LIPI: variants seen among roughly 807,000 people sequenced by gnomAD.
LIPI encodes the protein lipase I.
Under a neutral mutation model 50.6 loss-of-function variants are expected in LIPI, and 59 were observed. The observed-to-expected ratio is 1.16, with a 90% CI of 0.94 to 1.45. LIPI has a LOEUF of 1.45. LIPI is among the 40% of genes most tolerant of loss of function. The pLI is 0.00. For missense variants in LIPI, 586 were observed against 536.3 expected (o/e 1.09, Z -0.92); for synonymous variants, 203 against 178.2 (o/e 1.14, Z -1.11).
chr21:14,176,754 C>T (rs994575528), intron 4 of LIPI, among the ~76,000 whole-genome samples: 2 of 146,462 alleles, frequency 1.4e-5, no homozygotes, highest in African/African-American at 5.0e-5. Flanking sequence ...GCTAATAATG[C>T]CCTCATAGCT....
intron 1 of LIPI, among the ~76,000 whole-genome samples, chr21:14,204,555 T>C (rs1363768488): frequency 1.3e-5 from 2 of 151,940 alleles, no homozygotes; most frequent in African/African-American, 4.8e-5. Context: ...AATGACATTT[T>C]GAAGATAATA....
chr21:14,209,693 A>C (rs1489569983), intron 1 of LIPI, among the ~76,000 whole-genome samples: 3 of 152,134 alleles, frequency 2.0e-5, no homozygotes, highest in Non-Finnish European at 2.9e-5. Flanking sequence ...CAACTGACTA[A>C]ATAAATACTA....
chr21:14,196,170 A>AG (rs376627630), intron 1 of LIPI, among the ~76,000 whole-genome samples: 1 of 78,322 alleles, frequency 1.3e-5, no homozygotes, highest in Non-Finnish European at 3.1e-5. Context: ...AAAAAAAACA[A>AG]AACAAGAAGT....
In LIPI at chr21:14,197,523, G is replaced by A. The variant is rs143741104; in HGVS notation, c.47-8104C>T. Among the ~76,000 whole-genome samples, 4 of 152,010 alleles carry A rather than the reference G, an allele frequency of 2.6e-5. No homozygotes were observed. In the East Asian group the frequency reaches 7.8e-4, roughly 29 times the overall value. ...AGACCAAGCAGAGGAAAGAATCTCC[G>A]GGTTAGATTCTTTCTGAAATAAGAC... is the stretch of plus-strand genomic sequence containing the variant. On this transcript the variant is annotated intron_variant, in intron 1 of 9. Transcript: ENST00000681601.
chr21:14,138,713 T>C, intron 9 of LIPI, among the ~76,000 whole-genome samples: 1 of 152,194 alleles, frequency 6.6e-6, no homozygotes, highest in East Asian at 1.9e-4. Flanking sequence ...CCATAATCAA[T>C]GTATAAATTA....
rs1469835995 is a variant in LIPI, at chr21:14,189,029, C to T, written c.432+5G>A. ...ATGTATAATACATAAAATTCCCAGA[C>T]TTACCAAAAGATTTTTAATGTGCAC... On this transcript the variant is annotated splice_donor_5th_base_variant and intron_variant, in intron 2 of 9. Transcript: ENST00000681601. 3 of 1,601,512 alleles carry T rather than the reference C, an allele frequency of 1.9e-6. No homozygotes were observed. The highest frequency in any genetic ancestry group is 2.5e-6 in the Non-Finnish European group (3 of 1,178,944).
intron 7 of LIPI, among the ~76,000 whole-genome samples, chr21:14,161,648 T>TATTATATATTAATATATAATATATAC (rs1319941171): frequency 9.6e-6 from 1 of 103,826 alleles, no homozygotes; most frequent in African/African-American, 3.9e-5. Flanking sequence ...ATATATACAT[T>TATTATATATTAATATATAATATATAC]ATTATATATT....
chr21:14,125,254 C>A (rs1288042715), intron 9 of LIPI, among the ~76,000 whole-genome samples: 6 of 152,094 alleles, frequency 3.9e-5, no homozygotes, highest in African/African-American at 9.7e-5. Flanking sequence ...ATTTATATCT[C>A]TTTAATAGAA....
At chr21:14,141,193 GTTC>G (rs2017693674) in intron 9 of LIPI, among the ~76,000 whole-genome samples, 1 of 151,806 alleles carries the variant, frequency 6.6e-6, no homozygotes, top group Admixed American at 6.6e-5. Flanking sequence ...TCCGTAGTTA[GTTC>G]TTCTGCTGTG....
chr21:14,144,831 T>C, intron 8 of LIPI, 32 bp from the exon 9 acceptor site: 1 of 1,429,548 alleles, frequency 7.0e-7, no homozygotes, highest in Non-Finnish European at 9.8e-7. Context: ...CGCAGCATAT[T>C]AATAATTTGA....
At chr21:14,125,483 G>A (rs1406914333) in intron 9 of LIPI, among the ~76,000 whole-genome samples, 3 of 152,178 alleles carry the variant, frequency 2.0e-5, no homozygotes, top group South Asian at 2.1e-4. Flanking sequence ...AGACGATGAG[G>A]AAAAACGGAA....
chr21:14,202,875 C>T (rs1347492739), intron 1 of LIPI, among the ~76,000 whole-genome samples: 3 of 150,834 alleles, frequency 2.0e-5, no homozygotes, highest in African/African-American at 4.8e-5. Flanking sequence ...GCAAAAAAAA[C>T]TACCATCAGA....
intron 9 of LIPI, among the ~76,000 whole-genome samples, chr21:14,113,262 AAACT>A (rs1219199475): frequency 6.6e-6 from 1 of 152,254 alleles, no homozygotes; most frequent in African/African-American, 2.4e-5. Context: ...CAACCAATTG[AAACT>A]AACCCAGAAC....
chr21:14,148,516 T>C (rs1353854262), intron 8 of LIPI, among the ~76,000 whole-genome samples: 3 of 152,204 alleles, frequency 2.0e-5, no homozygotes, highest in East Asian at 3.9e-4. Flanking sequence ...ACTGTACCTT[T>C]TTCTATGCTT....
rs944232607 is a variant in LIPI at position 14,154,558 on chromosome 21, T to C, written c.1007-1874A>G. Among the ~76,000 whole-genome samples, 4 of 152,046 alleles carry C rather than the reference T, an allele frequency of 2.6e-5. No homozygotes were observed. The South Asian group carries it at 8.3e-4, about 31-fold the overall frequency. On this transcript the variant is annotated intron_variant, in intron 7 of 9. Coordinates refer to ENST00000681601, the MANE Select transcript of LIPI (RefSeq NM_001302998.2). ...ATTTGATGATACTATTTATAATTAA[T>C]ATGTATTATTAAATGAGAAATGGAA... is the stretch of plus-strand genomic sequence containing the variant.
intron 9 of LIPI, among the ~76,000 whole-genome samples, chr21:14,123,070 A>G (rs1156448500): frequency 6.6e-6 from 1 of 152,236 alleles, no homozygotes; most frequent in African/African-American, 2.4e-5. Context: ...TGGCCCTGGG[A>G]GGCTAGAAAA....
rs564213155 is a variant in LIPI, at chr21:14,125,518, AAAC to A, written c.1296-16441_1296-16439del. Among the ~76,000 whole-genome samples, 626 of 152,308 alleles carry A rather than the reference AAAC, an allele frequency of 4.1e-3. 8 individuals carry two copies. Among genetic ancestry groups the A allele is most frequent in the Middle Eastern group, 0.01 (3 of 294 alleles). Reference sequence around the variant, plus strand: ...ACAAAGGACAGATGGACCGAACAGAAAACAAAACAGCAAGATGATAGTGTTTTG... The same window carrying A: ...ACAAAGGACAGATGGACCGAACAGAAAAAACAGCAAGATGATAGTGTTTTG... On this transcript the variant is annotated intron_variant, in intron 9 of 9. Transcript: ENST00000681601.
intron 1 of LIPI, among the ~76,000 whole-genome samples, chr21:14,203,271 T>A (rs1187418922): frequency 3.3e-5 from 5 of 152,094 alleles, no homozygotes; most frequent in Admixed American, 1.3e-4. Context: ...TGGAAGTCAG[T>A]GTGGCGATTC....
chr21:14,155,315 A>G (rs978425198), intron 7 of LIPI, among the ~76,000 whole-genome samples: 1 of 151,978 alleles, frequency 6.6e-6, no homozygotes, highest in African/African-American at 2.4e-5. Flanking sequence ...GGAGAAAAAT[A>G]AATGAACAAA....
Sources: gnomAD v4.1 joint callset for allele counts (sites outside exome capture counted in the v4.1 genomes callset) on GRCh38, gnomAD v4.1.1 for gene constraint, MANE v1.5 for transcripts, NCBI Gene and HGNC (gene_info 2026-07-23, HGNC 2026-07-21) for gene names.